Variants in DNAH11 observed in about 807,000 individuals in gnomAD.
The protein encoded by DNAH11 is axonemal beta dynein heavy chain 11.
In DNAH11, 442 loss-of-function variants were observed where a neutral mutation model predicts 526.0. That is an observed-to-expected ratio of 0.84 (90% CI 0.78 to 0.91). The LOEUF (loss-of-function observed/expected upper bound fraction) is 0.91. DNAH11 is among the 40% of genes least tolerant of loss of function. DNAH11 has a pLI of 0.00. For synonymous variants in DNAH11, 2,461 were observed against 1,935.9 expected, an observed-to-expected ratio of 1.27 and a Z score of -7.12; for missense variants, 6,989 against 5,448.7, an observed-to-expected ratio of 1.28 and a Z score of -8.90.
intron 74 of DNAH11, among the ~76,000 whole-genome samples, chr7:21,873,950 C>T (rs999237249): frequency 1.3e-5 from 2 of 151,744 alleles, no homozygotes; most frequent in Non-Finnish European, 2.9e-5. Flanking sequence ...ACCACCACGC[C>T]CGGCTAATTT....
intron 5 of DNAH11, among the ~76,000 whole-genome samples, chr7:21,563,970 C>G (rs1348635767): frequency 6.6e-6 from 1 of 152,096 alleles, no homozygotes; most frequent in Non-Finnish European, 1.5e-5. Context: ...GTAACTAGAT[C>G]AGTGCTCTCC....
Position 21,599,890 on chromosome 7 carries a change from T to C in DNAH11, c.2771T>C (p.Met924Thr). The stretch of plus-strand genomic sequence containing the variant: ...GTGGAAGGCTTTTTTCAGGCTATAA[T>C]GCACGACTTAGACTTCTTTCTGAAG... ...IVVEGFFQAIMHDLDFFLKNT... is the reference protein window; with the variant it reads ...IVVEGFFQAITHDLDFFLKNT... The change falls in exon 15 of 82, where the codon ATG (methionine) becomes ACG (threonine). Residue 924 changes from methionine (M) to threonine (T), a missense_variant. Met to Thr is a moderately conservative substitution (Grantham distance 81). Transcript: ENST00000409508. The C allele has an allele frequency of 6.2e-7, 1 of 1,613,556 alleles. No individual in the cohort carries two copies. Among genetic ancestry groups the C allele is most frequent in the Non-Finnish European group, 8.5e-7 (1 of 1,179,656 alleles).
At chr7:21,612,416 G>A (rs184625633) in intron 20 of DNAH11, among the ~76,000 whole-genome samples, 74 of 152,010 alleles carry the variant, frequency 4.9e-4, no homozygotes, top group Middle Eastern at 3.4e-3. Context: ...TTAGCCGGGC[G>A]TGGTGGCAGG....
chr7:21,758,826 C>G (rs1284773040), intron 54 of DNAH11, among the ~76,000 whole-genome samples: 2 of 152,204 alleles, frequency 1.3e-5, no homozygotes, highest in Non-Finnish European at 1.5e-5. Flanking sequence ...ATTTTGCTAG[C>G]ATTCAGCTGT....
At chr7:21,795,858 C>T (rs1358501324) in intron 61 of DNAH11, among the ~76,000 whole-genome samples, 1 of 152,140 alleles carries the variant, frequency 6.6e-6, no homozygotes, top group Non-Finnish European at 1.5e-5. Flanking sequence ...GGGTTGGGTG[C>T]TCAGGAAAGG....
Position 21,884,357 on chromosome 7 carries a change from T to C in DNAH11, c.12454T>C (p.Trp4152Arg). The C allele has an allele frequency of 6.2e-7, 1 of 1,613,384 alleles. No individual in the cohort carries two copies. Among genetic ancestry groups the C allele is most frequent in the Non-Finnish European group, 8.5e-7 (1 of 1,179,534 alleles). The change falls in exon 76 of 82, where the codon TGG becomes CGG. Residue 4152 changes from tryptophan (W) to arginine (R), a missense_variant. Physicochemically the swap from Trp to Arg is moderately radical, Grantham distance 101 (BLOSUM62 -3). Transcript: ENST00000409508. The stretch of plus-strand genomic sequence containing the variant: ...GTATGGAGGCCACATCACAGATGAC[T>C]GGGATCGCAAACTGTGTCGGGTGTA... ...IMYGGHITDD[W>R]DRKLCRVYLE...
At chr7:21,657,870 T>C (rs1392063169) in intron 29 of DNAH11, among the ~76,000 whole-genome samples, 1 of 152,150 alleles carries the variant, frequency 6.6e-6, no homozygotes, top group Admixed American at 6.6e-5. Context: ...TAACCACTTA[T>C]CACTCCATTC....
intron 66 of DNAH11, among the ~76,000 whole-genome samples, chr7:21,849,670 G>T (rs1782548453): frequency 6.6e-6 from 1 of 152,146 alleles, no homozygotes; most frequent in Non-Finnish European, 1.5e-5. Context: ...CTCAAGAGAA[G>T]TTCCATGTAA....
chr7:21,832,889 C>A (rs568827710), intron 65 of DNAH11, among the ~76,000 whole-genome samples: 1 of 152,114 alleles, frequency 6.6e-6, no homozygotes, highest in South Asian at 2.1e-4. Flanking sequence ...TTTGTCAACC[C>A]CTGCTCTAGA....
At chr7:21,803,315 C>A (rs886871313) in intron 62 of DNAH11, among the ~76,000 whole-genome samples, 1 of 151,662 alleles carries the variant, frequency 6.6e-6, no homozygotes, top group African/African-American at 2.4e-5. Flanking sequence ...AGTGTTGATC[C>A]TGGTGATTAG....
rs781311952 is a variant in DNAH11, at chr7:21,698,083, C to A, written c.6050C>A (p.Ala2017Asp). 6.2e-7 allele frequency: 1 copy of A among 1,611,858 alleles called. No homozygotes were observed. Residue 2017 changes from alanine (A) to aspartate (D), a missense_variant, in exon 36 of 82, where the codon GCC becomes GAC. Ala to Asp is a moderately radical substitution (Grantham distance 126, BLOSUM62 -2). Coordinates refer to ENST00000409508, the MANE Select transcript of DNAH11 (RefSeq NM_001277115.2). ...ENLKALFRPC[A>D]MVAPDIELIC... is the part of the protein sequence containing the mutation. The stretch of plus-strand genomic sequence containing the variant: ...TCTTATTTACTTTTTAGACCCTGTG[C>A]CATGGTGGCCCCTGACATTGAGCTA...
chr7:21,698,279 T>C (rs2128477175), intron 36 of DNAH11, 66 bp downstream of exon 36: 1 of 1,577,420 alleles, frequency 6.3e-7, no homozygotes, highest in Non-Finnish European at 8.6e-7. Context: ...GAAGTATGGA[T>C]TTTAGGTAAT....
intron 8 of DNAH11, among the ~76,000 whole-genome samples, chr7:21,581,502 T>C (rs1468527851): frequency 6.6e-6 from 1 of 152,218 alleles, no homozygotes; most frequent in Non-Finnish European, 1.5e-5. Flanking sequence ...TTTAAACTTA[T>C]AGATGGACTA....
chr7:21,757,708 A>G (rs1786699759), intron 54 of DNAH11, among the ~76,000 whole-genome samples: 1 of 152,148 alleles, frequency 6.6e-6, no homozygotes, highest in Non-Finnish European at 1.5e-5. Context: ...AAGGTGGGTG[A>G]TTTCCTCCTG....
intron 37 of DNAH11, among the ~76,000 whole-genome samples, chr7:21,703,297 C>T (rs1471017149): frequency 1.3e-5 from 2 of 152,168 alleles, no homozygotes; most frequent in East Asian, 3.9e-4. Context: ...GCTCTCCTTC[C>T]TGGGGAGAAA....
At chr7:21,804,338 T>C (rs935403677) in intron 62 of DNAH11, among the ~76,000 whole-genome samples, 17 of 152,116 alleles carry the variant, frequency 1.1e-4, no homozygotes, top group Admixed American at 2.6e-4. Context: ...CTCGATCTCT[T>C]GACCTCGTGA....
chr7:21,570,883 TAAAAA>T (rs10603947), intron 7 of DNAH11, among the ~76,000 whole-genome samples: 4,130 of 147,014 alleles, frequency 0.028, 204 homozygotes, highest in African/African-American at 0.094. Context: ...TGGCTTAGTT[TAAAAA>T]AAAAAAAAAA....
chr7:21,573,152 G>C (rs530269047), intron 8 of DNAH11, among the ~76,000 whole-genome samples: 1 of 152,158 alleles, frequency 6.6e-6, no homozygotes, highest in Non-Finnish European at 1.5e-5. Context: ...TTTAATTGAC[G>C]TCACTACCTT....
chr7:21,658,331 A>G (rs895063669), intron 29 of DNAH11, among the ~76,000 whole-genome samples: 1 of 152,088 alleles, frequency 6.6e-6, no homozygotes, highest in African/African-American at 2.4e-5. Flanking sequence ...TTAGAGAAGA[A>G]TTTTCAGTAG....
Sources: allele counts gnomAD v4.1 joint callset (sites outside exome capture counted in the v4.1 genomes callset), GRCh38; gene constraint gnomAD v4.1.1; transcripts MANE v1.5; gene names NCBI Gene and HGNC (gene_info 2026-07-23, HGNC 2026-07-21).